DMP1: variants seen among roughly 807,000 people sequenced by gnomAD.
DMP1 encodes dentin matrix protein 1.
DMP1 carries 20 observed loss-of-function variants against 14.6 expected under a neutral mutation model. That is an observed-to-expected ratio of 1.37 (90% CI 0.96 to 1.99). DMP1 has a LOEUF of 1.99. DMP1 is among the 30% of genes most tolerant of loss of function. DMP1 has a pLI of 0.00. For missense variants in DMP1, 567 were observed against 620.5 expected (o/e 0.91, Z 0.92); for synonymous variants, 197 against 215.3 (o/e 0.91, Z 0.75).
In DMP1 at chr4:87,662,776, T is replaced by C; in HGVS notation, c.998T>C (p.Val333Ala). 3 of 1,613,556 alleles carry C rather than the reference T, an allele frequency of 1.9e-6. No individual in the cohort carries two copies. The highest frequency in any genetic ancestry group is 2.5e-6 in the Non-Finnish European group (3 of 1,179,736). The change falls in exon 6 of 6, where the codon GTA (valine) becomes GCA (alanine). Residue 333 changes from valine to alanine, a missense_variant. Physicochemically the swap from Val to Ala is moderately conservative, Grantham distance 64. Transcript: ENST00000339673. ...ENLSQEESQNVDGPSSESSQE... is the reference protein window; with the variant it reads ...ENLSQEESQNADGPSSESSQE... ...CTGTCCCAGGAAGAGAGCCAAAACGTAGATGGTCCCAGCAGTGAGTCCAGC... is the reference window on the plus strand; with the variant it reads ...CTGTCCCAGGAAGAGAGCCAAAACGCAGATGGTCCCAGCAGTGAGTCCAGC...
At position 87,659,480 on chromosome 4, in the gene DMP1, T is replaced by C. The variant is rs758071945; in HGVS notation, c.183+2T>C. On this transcript the variant is annotated splice_donor_variant, in intron 5 of 5. Transcript: ENST00000339673. LOFTEE classifies it high-confidence loss of function. ...AGTAAAGTTAGCTCAGAGGAACAGG[T>C]AATTAAACAGACCTTTCTTAACTTT... is the stretch of plus-strand genomic sequence containing the variant. The C allele has an allele frequency of 6.2e-7, 1 of 1,613,614 alleles. No homozygotes were observed. The highest frequency in any genetic ancestry group is 8.5e-7 in the Non-Finnish European group (1 of 1,179,584).
intron 2 of DMP1, 25 bp from the exon 3 acceptor site, chr4:87,657,007 T>A (rs200752295): frequency 1.8e-5 from 25 of 1,419,234 alleles, no homozygotes; most frequent in Non-Finnish European, 2.5e-5. Flanking sequence ...CTCTTTGGAT[T>A]TACCATGTGT....
chr4:87,662,603 G>A lies in DMP1; in HGVS notation c.825G>A (p.Glu275=), dbSNP rs1284968584. 2.5e-6 allele frequency: 4 copies of A among 1,614,110 alleles called. No individual in the cohort carries two copies. In the South Asian group the frequency reaches 4.4e-5, roughly 18 times the overall value. The change falls in exon 6 of 6, where the codon GAG becomes GAA. Residue 275 remains glutamate (E), a synonymous_variant. Transcript: ENST00000339673. The stretch of plus-strand genomic sequence containing the variant: ...TTTTTAGGAAGTCTCGCATCTCAGA[G>A]GAAGATGACAGAAGCGAGCTTGATG... ...RKIFRKSRIS[E]EDDRSELDDN...
At chr4:87,659,585 A>C in intron 5 of DMP1, 107 bp downstream of exon 5, 1 of 1,128,708 alleles carries the variant, frequency 8.9e-7, no homozygotes, top group Non-Finnish European at 1.4e-6. Flanking sequence ...TTTTCTAACT[A>C]TGAGTTATGC....
rs1267409201 is a variant in DMP1 at position 87,664,002 on chromosome 4, A to G, written c.*682A>G. The G allele has an allele frequency of 1.3e-5, 2 of 152,360 alleles. No homozygotes were observed. The highest frequency in any genetic ancestry group is 1.3e-4 in the Admixed American group (2 of 15,302). 9.4% of individuals were successfully genotyped at this position (152,360 alleles called of 1,614,324 possible). On this transcript the variant is annotated 3_prime_UTR_variant, in exon 6 of 6. Transcript: ENST00000339673. ...TAGTTTGCAAAAGCACTTTGAAATT[A>G]TGGCACAGTGAGTTGTTTTGGATAA...
intron 1 of DMP1, among the ~76,000 whole-genome samples, chr4:87,652,311 G>A (rs1728548024): frequency 6.6e-6 from 1 of 151,962 alleles, no homozygotes; most frequent in Admixed American, 6.6e-5. Context: ...ACTCTTTTTT[G>A]AATAGTAGCC....
At position 87,663,440 on chromosome 4, in the gene DMP1, C is replaced by T. The variant is rs1728991773; in HGVS notation, c.*120C>T. 6.7e-7 allele frequency: 1 copy of T among 1,490,162 alleles called. No homozygotes were observed. Among genetic ancestry groups the T allele is most frequent in the South Asian group, 1.2e-5 (1 of 86,880 alleles). 92.3% of individuals were successfully genotyped at this position (1,490,162 alleles called of 1,614,324 possible). A position where few individuals can be genotyped will look rare whatever the true frequency, so the allele number is the denominator to read the frequency against. The stretch of plus-strand genomic sequence containing the variant: ...AAGAATAACCAGATGCCATATTTTT[C>T]CTGAAAGGAATTGCTGGACATTACA... On this transcript the variant is annotated 3_prime_UTR_variant, in exon 6 of 6. Coordinates refer to ENST00000339673, the MANE Select transcript of DMP1 (RefSeq NM_004407.4).
intron 1 of DMP1, among the ~76,000 whole-genome samples, chr4:87,653,398 TATATATATA>T (rs972271700): frequency 1.7e-4 from 10 of 60,002 alleles, no homozygotes; most frequent in Admixed American, 1.1e-3. Flanking sequence ...TATATATATA[TATATATATA>T]TATATATATA....
In DMP1 at chr4:87,659,219, G is replaced by T; in HGVS notation, c.103-1G>T. On this transcript the variant is annotated splice_acceptor_variant, in intron 3 of 5. Transcript: ENST00000339673. LOFTEE classifies it high-confidence loss of function. Reference sequence around the variant, plus strand: ...GTTTTCCTTCCTTTCCTTTTTTGCAGGGTCATTTGGCTCAGGCACCAACAC... The same window carrying T: ...GTTTTCCTTCCTTTCCTTTTTTGCATGGTCATTTGGCTCAGGCACCAACAC... The T allele has an allele frequency of 1.2e-6, 2 of 1,613,744 alleles. No individual in the cohort carries two copies. The highest frequency in any genetic ancestry group is 1.6e-4 in the Middle Eastern group (1 of 6,062).
At chr4:87,656,789 G>C (rs892435284) in intron 2 of DMP1, among the ~76,000 whole-genome samples, 2 of 152,028 alleles carry the variant, frequency 1.3e-5, no homozygotes, top group African/African-American at 2.4e-5. Context: ...TGTCATCCTG[G>C]AACCACCAGC....
rs184531926 is a variant in DMP1 at position 87,659,555 on chromosome 4, C to T, written c.183+77C>T. The T allele has an allele frequency of 2.0e-3, 2,622 of 1,324,664 alleles. 4 individuals are homozygous for T. The highest frequency in any genetic ancestry group is 2.5e-3 in the Non-Finnish European group (2,274 of 916,270). The allele number at this position is 1,324,664 out of a possible 1,614,324, so 82.1% of individuals were successfully genotyped here. ...AATGATGTTAGATTAAATTACCTGGCGACAGTTCTAAATATAATATTTTCT... is the reference window on the plus strand; with the variant it reads ...AATGATGTTAGATTAAATTACCTGGTGACAGTTCTAAATATAATATTTTCT... On this transcript the variant is annotated intron_variant, in intron 5 of 5. Coordinates refer to ENST00000339673, the MANE Select transcript of DMP1 (RefSeq NM_004407.4).
At position 87,657,082 on chromosome 4, in the gene DMP1, G is replaced by A. The variant is rs771292808; in HGVS notation, c.102+3G>A. ...CTGAGGATTCTGAAGAATGGAAGGT[G>A]AGTAGAAATATGACTTTTTGAAATA... On this transcript the variant is annotated splice_donor_region_variant and intron_variant, in intron 3 of 5. Coordinates refer to ENST00000339673, the MANE Select transcript of DMP1 (RefSeq NM_004407.4). 1 of 1,514,522 alleles carries A rather than the reference G, an allele frequency of 6.6e-7. No homozygotes were observed. The highest frequency in any genetic ancestry group is 1.7e-5 in the Admixed American group (1 of 59,594). The allele number at this position is 1,514,522 out of a possible 1,614,324, so 93.8% of individuals were successfully genotyped here.
intron 3 of DMP1, 68 bp from the exon 4 acceptor site, chr4:87,659,152 A>G: frequency 6.7e-7 from 1 of 1,483,360 alleles, no homozygotes; most frequent in South Asian, 1.1e-5. Context: ...AAATTATTGT[A>G]AATAATTACA....
chr4:87,659,658 T>G (rs4693853), intron 5 of DMP1, among the ~76,000 whole-genome samples, 180 bp downstream of exon 5: 2,189 of 152,192 alleles, frequency 0.014, 60 homozygotes, highest in African/African-American at 0.05. Context: ...CATGCAGACA[T>G]GCTATTCATC....
At chr4:87,655,782 A>G (rs1009682258) in intron 1 of DMP1, among the ~76,000 whole-genome samples, 2 of 152,238 alleles carry the variant, frequency 1.3e-5, no homozygotes, top group East Asian at 3.9e-4. Context: ...TACATTTGCT[A>G]GGGTGCTCTG....
intron 5 of DMP1, among the ~76,000 whole-genome samples, chr4:87,659,800 T>G (rs533986663): frequency 6.6e-6 from 1 of 152,156 alleles, no homozygotes; most frequent in Non-Finnish European, 1.5e-5. Context: ...AACTTGCTCA[T>G]CAACTTAAAA....
At chr4:87,658,775 T>C (rs1013452380) in intron 3 of DMP1, 3 of 189,222 alleles carry the variant, frequency 1.6e-5, no homozygotes, top group Admixed American at 5.4e-5. Context: ...ACCATCTCGG[T>C]TTACCTGGAA....
At chr4:87,653,645 A>G (rs1728599021) in intron 1 of DMP1, among the ~76,000 whole-genome samples, 1 of 151,788 alleles carries the variant, frequency 6.6e-6, no homozygotes, top group African/African-American at 2.4e-5. Context: ...GTGGAACTTT[A>G]AAAACAAACC....
At chr4:87,657,597 A>G (rs975119019) in intron 3 of DMP1, among the ~76,000 whole-genome samples, 1 of 152,222 alleles carries the variant, frequency 6.6e-6, no homozygotes, top group African/African-American at 2.4e-5. Flanking sequence ...TGAATTAGGT[A>G]TTATGTTTTA....
Sources: gnomAD v4.1 joint callset for allele counts (sites outside exome capture counted in the v4.1 genomes callset) on GRCh38, gnomAD v4.1.1 for gene constraint, MANE v1.5 for transcripts, NCBI Gene and HGNC (gene_info 2026-07-23, HGNC 2026-07-21) for gene names.